The following RECK variants were observed in gnomAD, a reference collection of about 807,000 sequenced individuals.
RECK encodes reversion inducing cysteine rich protein with kazal motifs.
Under a neutral mutation model 115.1 loss-of-function variants are expected in RECK, and 69 were observed. The observed-to-expected ratio is 0.60, with a 90% confidence interval of 0.49 to 0.73. The LOEUF is 0.73. Among genes scored for constraint, RECK ranks in the 30% least tolerant of loss-of-function variants. RECK has a pLI of 0.00. For missense variants in RECK, 1,047 were observed against 1,203.7 expected (o/e 0.87, Z 1.93); for synonymous variants, 414 against 419.7 (o/e 0.99, Z 0.17).
chr9:36,105,179 C>G lies in RECK; in HGVS notation c.1472C>G (p.Thr491Ser). ...TTAGGTAACATTGTAGAAGAAGTGA[C>G]TCATCCCTGTAACCCAAATCCTTGC... ...STLGNIVEEV[T>S]HPCNPNPCPA... Residue 491 changes from threonine to serine, a missense_variant, in exon 13 of 21, where the codon ACT becomes AGT. By Grantham distance (58) the Thr-to-Ser change is moderately conservative. Coordinates refer to ENST00000377966, the MANE Select transcript of RECK (RefSeq NM_021111.3). The G allele has an allele frequency of 3.1e-6, 5 of 1,614,074 alleles. No individual in the cohort carries two copies. The highest frequency in any genetic ancestry group is 4.2e-6 in the Non-Finnish European group (5 of 1,179,970).
At chr9:36,119,401 C>T (rs1587102562) in intron 18 of RECK, among the ~76,000 whole-genome samples, 1 of 152,084 alleles carries the variant, frequency 6.6e-6, no homozygotes, top group Non-Finnish European at 1.5e-5. Flanking sequence ...CTTAGATTGG[C>T]CTTAACATCT....
intron 1 of RECK, among the ~76,000 whole-genome samples, chr9:36,047,031 C>G (rs921401778): frequency 6.6e-6 from 1 of 152,130 alleles, no homozygotes; most frequent in East Asian, 1.9e-4. Context: ...CTCCTGTCTG[C>G]CTGATTGTTT....
intron 10 of RECK, among the ~76,000 whole-genome samples, chr9:36,095,308 T>A (rs911450400): frequency 1.3e-5 from 2 of 152,238 alleles, no homozygotes; most frequent in Non-Finnish European, 2.9e-5. Flanking sequence ...CAAGTTAGGA[T>A]TATTCTTATA....
chr9:36,097,283 G>A (rs1437898657), intron 10 of RECK, among the ~76,000 whole-genome samples: 2 of 147,714 alleles, frequency 1.4e-5, no homozygotes, highest in South Asian at 4.3e-4. Flanking sequence ...AGCTGAGATC[G>A]CGCCACTGCA....
intron 6 of RECK, among the ~76,000 whole-genome samples, chr9:36,074,657 G>A (rs1340243712): frequency 1.3e-5 from 2 of 152,184 alleles, no homozygotes; most frequent in African/African-American, 4.8e-5. Context: ...CTGGAGAACA[G>A]AATTATTCAA....
At chr9:36,063,509 T>C (rs1821865008) in intron 4 of RECK, among the ~76,000 whole-genome samples, 1 of 152,174 alleles carries the variant, frequency 6.6e-6, no homozygotes. Flanking sequence ...CTGGTAAAGA[T>C]GTTACCTACC....
In RECK at chr9:36,105,939, C is replaced by T. The variant is rs143157413; in HGVS notation, c.1576+656C>T. 6.9e-3 allele frequency among the ~76,000 whole-genome samples: 1,057 copies of T among 152,238 alleles called. 14 individuals are homozygous for T. Among genetic ancestry groups the T allele is most frequent in the African/African-American group, 0.023 (936 of 41,558 alleles). On this transcript the variant is annotated intron_variant, in intron 13 of 20. Coordinates refer to ENST00000377966, the MANE Select transcript of RECK (RefSeq NM_021111.3). ...AATCAAGATTTTAAAAAAGGCCAGG[C>T]GCAGTGGCTCACGCCTGTAATCGCA...
chr9:36,036,980 G>C lies in RECK; in HGVS notation c.-19G>C. On this transcript the variant is annotated 5_prime_UTR_variant, in exon 1 of 21. Transcript: ENST00000377966. ...CTGGGTCCGAGCATCCCGCGGCTCT[G>C]GAGCCGCCCGGCCCGGACATGGCGA... 7.1e-7 allele frequency: 1 copy of C among 1,409,268 alleles called. No individual in the cohort carries two copies. The highest frequency in any genetic ancestry group is 1.4e-5 in the South Asian group (1 of 69,384). 87.3% of individuals were successfully genotyped at this position (1,409,268 alleles called of 1,614,324 possible).
At chr9:36,104,999 C>T (rs957692811) in intron 12 of RECK, 144 bp from the exon 13 acceptor site, 11 of 583,844 alleles carry the variant, frequency 1.9e-5, no homozygotes, top group South Asian at 1.7e-4. Context: ...GAAAGAATCT[C>T]GGTGTTTTAA....
intron 1 of RECK, among the ~76,000 whole-genome samples, chr9:36,051,201 T>C (rs1157264227): frequency 6.6e-6 from 1 of 152,194 alleles, no homozygotes; most frequent in East Asian, 1.9e-4. Flanking sequence ...TAGTGCCTTC[T>C]CATAAACACT....
chr9:36,046,885 A>G (rs1821089532), intron 1 of RECK, among the ~76,000 whole-genome samples: 1 of 152,192 alleles, frequency 6.6e-6, no homozygotes, highest in Admixed American at 6.5e-5. Flanking sequence ...TAATTGGAAA[A>G]AAAGGCTTTT....
At chr9:36,114,809 C>T (rs1824194372) in intron 16 of RECK, among the ~76,000 whole-genome samples, 1 of 152,032 alleles carries the variant, frequency 6.6e-6, no homozygotes, top group Non-Finnish European at 1.5e-5. Context: ...GGTGCCACTG[C>T]ACTCCAGCCT....
At chr9:36,086,727 C>A (rs1277815408) in intron 8 of RECK, among the ~76,000 whole-genome samples, 2 of 152,190 alleles carry the variant, frequency 1.3e-5, no homozygotes, top group Admixed American at 1.3e-4. Flanking sequence ...CAGAAAAGTT[C>A]TCCAAGTCCC....
At chr9:36,060,933 C>A (rs563858643) in intron 4 of RECK, among the ~76,000 whole-genome samples, 1 of 152,234 alleles carries the variant, frequency 6.6e-6, no homozygotes, top group East Asian at 1.9e-4. Context: ...AGACTGGAAA[C>A]CCCCAAGTTA....
At position 36,076,721 on chromosome 9, in the gene RECK, T is replaced by C. The variant is rs117960912; in HGVS notation, c.406-3884T>C. ...AAAGATTTTAGGATCAAAAATAATTTTTTTAGGATCAAAATATTTTTAAGG... is the reference window on the plus strand; with the variant it reads ...AAAGATTTTAGGATCAAAAATAATTCTTTTAGGATCAAAATATTTTTAAGG... On this transcript the variant is annotated intron_variant, in intron 6 of 20. Transcript: ENST00000377966. Among the ~76,000 whole-genome samples the C allele has an allele frequency of 1.7e-3, 265 of 152,320 alleles. 1 individual carries two copies. Among genetic ancestry groups the C allele is most frequent in the Non-Finnish European group, 3.3e-3 (226 of 68,024 alleles).
chr9:36,120,707 G>T lies in RECK; in HGVS notation c.2509G>T (p.Asp837Tyr). ...TGCTGGGATGTTAAGAGTTTTATTT[G>T]ACAAAGAAAAACTGGATACTATTGC... is the stretch of plus-strand genomic sequence containing the variant. ...LCAGMLRVLF[D>Y]KEKLDTIAKV... Residue 837 changes from aspartate to tyrosine, a missense_variant, in exon 19 of 21, where the codon GAC becomes TAC. Physicochemically the swap from Asp to Tyr is radical, Grantham distance 160. Transcript: ENST00000377966. The T allele has an allele frequency of 6.2e-7, 1 of 1,613,146 alleles. No individual in the cohort carries two copies. The highest frequency in any genetic ancestry group is 1.1e-5 in the South Asian group (1 of 91,030).
Position 36,094,202 on chromosome 9 carries a change from C to CT in RECK, c.1085+2867dup, listed in dbSNP as rs144257167. ...AATATTTTTTCTTTATTTTCTTTTT[C>CT]TTTTTTTTCTTTTGTATTTTATTTT... On this transcript the variant is annotated intron_variant, in intron 10 of 20. Coordinates refer to ENST00000377966, the MANE Select transcript of RECK (RefSeq NM_021111.3). This position sits in a 1 kb window ranked among gnomAD's most constrained non-coding sequence, Gnocchi z 4.1. Among the ~76,000 whole-genome samples the CT allele has an allele frequency of 0.13, 19,165 of 151,358 alleles. 1,639 individuals carry two copies. Among genetic ancestry groups the CT allele is most frequent in the Admixed American group, 0.25 (3,877 of 15,212 alleles).
chr9:36,052,648 G>A (rs1821353630), intron 2 of RECK, among the ~76,000 whole-genome samples: 1 of 152,106 alleles, frequency 6.6e-6, no homozygotes, highest in South Asian at 2.1e-4. Context: ...TATTATAATT[G>A]CATAATTTGA....
At chr9:36,118,664 C>T in intron 17 of RECK, 93 bp from the exon 18 acceptor site, 5 of 1,213,024 alleles carry the variant, frequency 4.1e-6, no homozygotes, top group Admixed American at 4.5e-5. Flanking sequence ...GTCTTTTTTC[C>T]TTCCTGAAAA....
Sources: gnomAD v4.1 joint callset for allele counts (sites outside exome capture counted in the v4.1 genomes callset) on GRCh38, gnomAD v4.1.1 for gene constraint, Gnocchi (gnomAD v3.1) non-coding constraint, MANE v1.5 for transcripts, NCBI Gene and HGNC (gene_info 2026-07-23, HGNC 2026-07-21) for gene names.